Variants in ATP9A observed in about 807,000 individuals in gnomAD.
The protein encoded by ATP9A is probable phospholipid-transporting ATPase IIA.
A neutral mutation model predicts 144.1 loss-of-function variants in ATP9A; 52 were observed. The ratio of observed to expected loss-of-function variants is 0.36; its 90% confidence interval spans 0.29 to 0.45. The LOEUF (loss-of-function observed/expected upper bound fraction) is 0.45, where lower values mean the gene tolerates loss of function less well. Ranked by LOEUF, ATP9A falls within the 20% of genes least tolerant of loss-of-function variation. The pLI, the probability that ATP9A is intolerant of heterozygous loss-of-function variation, is 1.00. For synonymous variants in ATP9A, 582 were observed against 557.4 expected (o/e 1.04, Z -0.62); for missense variants, 947 against 1,392.7 (o/e 0.68, Z 5.09).
At chr20:51,608,427 A>T (rs2077172180) in intron 25 of ATP9A, 91 bp downstream of exon 25, 1 of 876,138 alleles carries the variant, frequency 1.1e-6, no homozygotes, top group Non-Finnish European at 1.9e-6. Context: ...TCTGTGTGAA[A>T]TAAATTCAAA....
chr20:51,649,226 C>T lies in ATP9A; in HGVS notation c.1506+7712G>A, dbSNP rs188235237. 3.6e-4 allele frequency among the ~76,000 whole-genome samples: 55 copies of T among 152,280 alleles called. No individual in the cohort carries two copies. The East Asian group carries it at 8.5e-3, about 24-fold the overall frequency. ...CAGCCCTGAGTCTCCCACACACAGG[C>T]ATCTTCACTCTCTGGAGCACTTCAG... On this transcript the variant is annotated intron_variant, in intron 14 of 27. Coordinates refer to ENST00000338821, the MANE Select transcript of ATP9A (RefSeq NM_006045.3).
chr20:51,766,490 G>A (rs2077904238), intron 1 of ATP9A, among the ~76,000 whole-genome samples: 1 of 152,132 alleles, frequency 6.6e-6, no homozygotes, highest in African/African-American at 2.4e-5. Context: ...TATTTACGGA[G>A]GATGTACGAT....
At chr20:51,699,642 C>G (rs763696484) in intron 4 of ATP9A, among the ~76,000 whole-genome samples, 2 of 151,850 alleles carry the variant, frequency 1.3e-5, no homozygotes, top group Non-Finnish European at 2.9e-5. Flanking sequence ...TGACTTCTGA[C>G]TTCTTTTTTT....
intron 1 of ATP9A, among the ~76,000 whole-genome samples, chr20:51,744,045 A>C (rs2077796929): frequency 6.6e-6 from 1 of 152,166 alleles, no homozygotes; most frequent in Non-Finnish European, 1.5e-5. Flanking sequence ...AAAAAGGAAA[A>C]TATGAAATAA....
At chr20:51,748,822 C>T (rs1241429953) in intron 1 of ATP9A, among the ~76,000 whole-genome samples, 1 of 152,128 alleles carries the variant, frequency 6.6e-6, no homozygotes, top group African/African-American at 2.4e-5. Context: ...CAGTGGCTCA[C>T]GCCTATAATC....
At chr20:51,745,107 T>C (rs2077802122) in intron 1 of ATP9A, among the ~76,000 whole-genome samples, 1 of 151,964 alleles carries the variant, frequency 6.6e-6, no homozygotes, top group Non-Finnish European at 1.5e-5. Context: ...AACCCTGCCG[T>C]CTCTACTAAA....
chr20:51,698,520 C>T (rs1456660980), intron 4 of ATP9A, among the ~76,000 whole-genome samples: 2 of 152,162 alleles, frequency 1.3e-5, no homozygotes, highest in South Asian at 4.1e-4. Flanking sequence ...CCTGTCTCAA[C>T]AGCCAGACAG....
At chr20:51,734,279 A>G (rs1399356609) in intron 1 of ATP9A, among the ~76,000 whole-genome samples, 4 of 152,036 alleles carry the variant, frequency 2.6e-5, no homozygotes, top group Admixed American at 2.6e-4. Flanking sequence ...CACCCCACTC[A>G]GCCCCTCCTG....
chr20:51,752,231 C>T (rs1287405327), intron 1 of ATP9A, among the ~76,000 whole-genome samples: 2 of 152,140 alleles, frequency 1.3e-5, no homozygotes, highest in Non-Finnish European at 1.5e-5. Context: ...GCTAAGCCTC[C>T]GTTTCCTGGA....
rs965699462 is a variant in ATP9A, at chr20:51,758,874, G to A, written c.68+9428C>T. Among the ~76,000 whole-genome samples the A allele has an allele frequency of 7.2e-5, 11 of 152,012 alleles. No individual in the cohort carries two copies. The East Asian group carries it at 7.7e-4, about 11-fold the overall frequency. On this transcript the variant is annotated intron_variant, in intron 1 of 27. Coordinates refer to ENST00000338821, the MANE Select transcript of ATP9A (RefSeq NM_006045.3). ...CGGGAGGCGGAGGTTCCAGTGAGCC[G>A]AGATCATACCACTGCACTCCAGCCT...
chr20:51,698,314 A>C (rs891992747), intron 4 of ATP9A, among the ~76,000 whole-genome samples: 1 of 152,234 alleles, frequency 6.6e-6, no homozygotes, highest in Non-Finnish European at 1.5e-5. Context: ...GCTTGAGCCC[A>C]GGAGTTCCAA....
chr20:51,656,267 T>C (rs1047250896), intron 14 of ATP9A, among the ~76,000 whole-genome samples: 3 of 151,424 alleles, frequency 2.0e-5, no homozygotes, highest in African/African-American at 7.3e-5. Context: ...TAAGAAGCCA[T>C]ACTCACCAAC....
At chr20:51,645,633 C>A (rs184817895) in intron 14 of ATP9A, among the ~76,000 whole-genome samples, 4 of 152,194 alleles carry the variant, frequency 2.6e-5, no homozygotes, top group Non-Finnish European at 5.9e-5. Flanking sequence ...CCCTTCCACT[C>A]TCCTCCATTT....
chr20:51,701,498 C>CTCTG (rs2077592988), intron 4 of ATP9A, among the ~76,000 whole-genome samples: 1 of 152,208 alleles, frequency 6.6e-6, no homozygotes, highest in Admixed American at 6.5e-5. Context: ...TTCATTTGAA[C>CTCTG]TCTGCCTCTC....
chr20:51,657,123 C>T lies in ATP9A; in HGVS notation c.1321G>A (p.Gly441Ser). ...QQSQDPPAQK[G>S]PTLTTKVRRT... is the part of the protein sequence containing the mutation. ...CGGACCTTAGTGGTGAGCGTTGGGCCCTTCTGAGCCGGTGGGTCCTGGGAT... is the reference window on the plus strand; with the variant it reads ...CGGACCTTAGTGGTGAGCGTTGGGCTCTTCTGAGCCGGTGGGTCCTGGGAT... Residue 441 changes from glycine (G) to serine (S), a missense_variant, in exon 14 of 28, where the codon GGC becomes AGC. Gly to Ser is a moderately conservative substitution (Grantham distance 56). Coordinates refer to ENST00000338821, the MANE Select transcript of ATP9A (RefSeq NM_006045.3). The T allele has an allele frequency of 6.2e-7, 1 of 1,614,076 alleles. No homozygotes were observed. Among genetic ancestry groups the T allele is most frequent in the African/African-American group, 1.3e-5 (1 of 75,034 alleles).
chr20:51,693,080 A>G (rs1025656651), intron 7 of ATP9A, among the ~76,000 whole-genome samples: 9 of 152,156 alleles, frequency 5.9e-5, no homozygotes, highest in African/African-American at 2.2e-4. Flanking sequence ...TAAGTTACAC[A>G]TGGCCAACTA....
intron 15 of ATP9A, among the ~76,000 whole-genome samples, chr20:51,634,176 C>A (rs978560767): frequency 6.6e-6 from 1 of 152,126 alleles, no homozygotes; most frequent in Non-Finnish European, 1.5e-5. Flanking sequence ...GTGGCGTATG[C>A]CATTCACTTC....
intron 15 of ATP9A, among the ~76,000 whole-genome samples, chr20:51,634,565 C>G (rs1243423097): frequency 6.6e-6 from 1 of 152,110 alleles, no homozygotes; most frequent in Non-Finnish European, 1.5e-5. Context: ...ATAAAAATCC[C>G]CTAACATAGG....
At chr20:51,692,243 T>C (rs375561211) in intron 7 of ATP9A, among the ~76,000 whole-genome samples, 16 of 152,316 alleles carry the variant, frequency 1.1e-4, no homozygotes, top group African/African-American at 3.4e-4. Flanking sequence ...GTTAGGACGA[T>C]AGATTTTATG....
Sources: allele counts gnomAD v4.1 joint callset (sites outside exome capture counted in the v4.1 genomes callset), GRCh38; gene constraint gnomAD v4.1.1; transcripts MANE v1.5; gene names NCBI Gene and HGNC (gene_info 2026-07-23, HGNC 2026-07-21).